Variants in MACROD1 observed in about 807,000 individuals in gnomAD.
MACROD1 encodes the protein ADP-ribose glycohydrolase MACROD1.
MACROD1 carries 31 observed loss-of-function variants against 41.4 expected under a neutral mutation model. That is an observed-to-expected ratio of 0.75 (90% CI 0.56 to 1.01). MACROD1 has a LOEUF of 1.01. MACROD1 is among the 50% of genes least tolerant of loss of function. MACROD1 has a pLI of 0.00. For synonymous variants in MACROD1, 252 were observed against 203.4 expected (o/e 1.24, Z -2.03); for missense variants, 473 against 460.0 (o/e 1.03, Z -0.26).
chr11:64,144,799 CT>C (rs1945470027), intron 3 of MACROD1, among the ~76,000 whole-genome samples: 1 of 152,246 alleles, frequency 6.6e-6, no homozygotes, highest in Non-Finnish European at 1.5e-5. Context: ...GCCGGCAAGC[CT>C]CAGCAAACAC....
At chr11:64,060,853 C>A (rs554914364) in intron 3 of MACROD1, among the ~76,000 whole-genome samples, 5 of 152,162 alleles carry the variant, frequency 3.3e-5, no homozygotes, top group East Asian at 1.9e-4. Context: ...CGGGTGTGAA[C>A]GGGGCCAAAG....
At chr11:64,149,524 G>GCCTC (rs1424206442) in intron 3 of MACROD1, among the ~76,000 whole-genome samples, 1 of 152,194 alleles carries the variant, frequency 6.6e-6, no homozygotes, top group African/African-American at 2.4e-5. Flanking sequence ...CCCGGGTGCA[G>GCCTC]CCTCCGGAGC....
At chr11:64,091,552 C>G (rs1467271092) in intron 3 of MACROD1, among the ~76,000 whole-genome samples, 5 of 152,082 alleles carry the variant, frequency 3.3e-5, no homozygotes, top group African/African-American at 1.2e-4. Flanking sequence ...CCAGGGAGAG[C>G]TGGGCCAGTC....
At chr11:64,151,378 A>G (rs1945575456) in intron 2 of MACROD1, 23 bp from the exon 3 acceptor site, 2 of 1,583,128 alleles carry the variant, frequency 1.3e-6, no homozygotes, top group Non-Finnish European at 1.7e-6. Flanking sequence ...GGGGCCGGGG[A>G]GGTCACAGCG....
Position 64,036,876 on chromosome 11 carries a change from C to A in MACROD1, c.518-21595G>T, listed in dbSNP as rs1380856149. Among the ~76,000 whole-genome samples, 1 of 152,190 alleles carries A rather than the reference C, an allele frequency of 6.6e-6. No homozygotes were observed. The highest frequency in any genetic ancestry group is 1.5e-5 in the Non-Finnish European group (1 of 68,024). ...ACCCGGCGGCGCACGCCCCTCCTCG[C>A]GGGCACTGGAGACCCCGGGGAGGAA... On this transcript the variant is annotated intron_variant, in intron 3 of 10. Coordinates refer to ENST00000255681, the MANE Select transcript of MACROD1 (RefSeq NM_014067.4). This position sits in a 1 kb window ranked among gnomAD's most constrained non-coding sequence, Gnocchi z 5.6.
chr11:64,113,657 A>C (rs1469834696), intron 3 of MACROD1, among the ~76,000 whole-genome samples: 1 of 117,968 alleles, frequency 8.5e-6, no homozygotes, highest in East Asian at 2.9e-4. Context: ...ATGGGCAGAC[A>C]GGTGGATGCA....
chr11:64,106,885 A>T (rs1944771362), intron 3 of MACROD1, among the ~76,000 whole-genome samples: 1 of 150,834 alleles, frequency 6.6e-6, no homozygotes, highest in Non-Finnish European at 1.5e-5. Flanking sequence ...TATTTATTTT[A>T]TTTTATTTTT....
At position 64,120,547 on chromosome 11, in the gene MACROD1, A is replaced by T. The variant is rs933607614; in HGVS notation, c.517+30692T>A. Among the ~76,000 whole-genome samples the T allele has an allele frequency of 6.6e-6, 1 of 152,130 alleles. No individual in the cohort carries two copies. Among genetic ancestry groups the T allele is most frequent in the African/African-American group, 2.4e-5 (1 of 41,424 alleles). ...CTAAAAATGCAAAAATTAGCCAGGC[A>T]TGGTGGCAGGCGCCTGTTACCTGGC... On this transcript the variant is annotated intron_variant, in intron 3 of 10. Coordinates refer to ENST00000255681, the MANE Select transcript of MACROD1 (RefSeq NM_014067.4). This position sits in a 1 kb window ranked among gnomAD's most constrained non-coding sequence, Gnocchi z 4.5.
chr11:64,137,893 T>C (rs1260656642), intron 3 of MACROD1, among the ~76,000 whole-genome samples: 1 of 152,224 alleles, frequency 6.6e-6, no homozygotes, highest in Non-Finnish European at 1.5e-5. Flanking sequence ...GTTCCTGTTT[T>C]AATGGTTCTC....
chr11:64,114,801 G>A (rs1476968550), intron 3 of MACROD1, among the ~76,000 whole-genome samples: 1 of 152,156 alleles, frequency 6.6e-6, no homozygotes, highest in Non-Finnish European at 1.5e-5. Flanking sequence ...ATGGTAGGTG[G>A]GTGGACAGAT....
intron 1 of MACROD1, among the ~76,000 whole-genome samples, chr11:64,164,636 T>C (rs1209446079): frequency 1.3e-5 from 2 of 152,370 alleles, no homozygotes; most frequent in South Asian, 4.1e-4. Flanking sequence ...ACAATTCATG[T>C]CAGGAGTAAA....
intron 3 of MACROD1, among the ~76,000 whole-genome samples, chr11:64,110,540 G>A (rs1235005384): frequency 8.5e-5 from 13 of 152,050 alleles, no homozygotes. Context: ...GTTGGCAGGG[G>A]ACAACGACTG....
chr11:64,060,296 C>T (rs1943875361), intron 3 of MACROD1: 1 of 152,242 alleles, frequency 6.6e-6, no homozygotes, highest in South Asian at 2.1e-4. Flanking sequence ...CTTCCTCCGC[C>T]TGCAGGCCGA....
chr11:64,101,500 C>T (rs1185648744), intron 3 of MACROD1, among the ~76,000 whole-genome samples: 2 of 152,174 alleles, frequency 1.3e-5, no homozygotes, highest in Non-Finnish European at 2.9e-5. Context: ...GGCAATCATC[C>T]TCTCAAAATG....
intron 3 of MACROD1, among the ~76,000 whole-genome samples, chr11:64,106,183 A>G (rs951288072): frequency 6.6e-6 from 1 of 152,130 alleles, no homozygotes; most frequent in African/African-American, 2.4e-5. Flanking sequence ...AGCTCCAGAC[A>G]TCGAGTCTGA....
At chr11:64,059,237 C>T (rs2154977) in intron 3 of MACROD1, among the ~76,000 whole-genome samples, 4,232 of 152,202 alleles carry the variant, frequency 0.028, 196 homozygotes, top group African/African-American at 0.095. Context: ...TTCCTCTTGC[C>T]GAGCGGGGAA....
chr11:64,110,003 G>A (rs907187896), intron 3 of MACROD1, among the ~76,000 whole-genome samples: 20 of 152,130 alleles, frequency 1.3e-4, no homozygotes, highest in Admixed American at 7.9e-4. Context: ...TGGATGCGTC[G>A]GGGGCATCCA....
At chr11:64,138,436 G>T in intron 3 of MACROD1, 1 of 851,280 alleles carries the variant, frequency 1.2e-6, no homozygotes, top group Non-Finnish European at 1.4e-6. Flanking sequence ...TCAATTCTGG[G>T]CCATTTGCTT....
At chr11:64,152,901 G>T (rs566301892) in intron 1 of MACROD1, among the ~76,000 whole-genome samples, 5 of 152,220 alleles carry the variant, frequency 3.3e-5, no homozygotes, top group Non-Finnish European at 7.3e-5. Context: ...GGAGCTGCAG[G>T]ACCAAGTGGA....
Sources: gnomAD v4.1 joint callset for allele counts (sites outside exome capture counted in the v4.1 genomes callset) on GRCh38, gnomAD v4.1.1 for gene constraint, Gnocchi (gnomAD v3.1) non-coding constraint, MANE v1.5 for transcripts, NCBI Gene and HGNC (gene_info 2026-07-23, HGNC 2026-07-21) for gene names.